ITFG1: variants seen among roughly 807,000 people sequenced by gnomAD.
The protein encoded by ITFG1 is integrin alpha FG-GAP repeat containing 1.
ITFG1 carries 34 observed loss-of-function variants against 81.8 expected under a neutral mutation model. That is an observed-to-expected ratio of 0.42 (90% confidence interval 0.32 to 0.55). The LOEUF is 0.55. ITFG1 is among the 20% of genes least tolerant of loss of function. The pLI is 0.17. For synonymous variants in ITFG1, 285 were observed against 270.6 expected, an observed-to-expected ratio of 1.05 and a Z score of -0.52; for missense variants, 672 against 755.4, an observed-to-expected ratio of 0.89 and a Z score of 1.29.
chr16:47,255,068 T>A (rs776195106), intron 12 of ITFG1, among the ~76,000 whole-genome samples: 2 of 152,094 alleles, frequency 1.3e-5, no homozygotes, highest in African/African-American at 2.4e-5. Context: ...GTCTGGGCAA[T>A]AGACCGAGAC....
At chr16:47,281,311 C>T (rs916191530) in intron 10 of ITFG1, among the ~76,000 whole-genome samples, 5 of 152,242 alleles carry the variant, frequency 3.3e-5, no homozygotes, top group Admixed American at 6.5e-5. Flanking sequence ...TTTTTCATCT[C>T]TGTTCATGAA....
intron 10 of ITFG1, among the ~76,000 whole-genome samples, chr16:47,307,428 T>C (rs1321465017): frequency 6.6e-6 from 1 of 152,134 alleles, no homozygotes; most frequent in Non-Finnish European, 1.5e-5. Context: ...TCCATTTTAT[T>C]ATGGGACTAA....
chr16:47,314,313 A>G (rs1967317152), intron 8 of ITFG1, among the ~76,000 whole-genome samples: 1 of 152,208 alleles, frequency 6.6e-6, no homozygotes, highest in African/African-American at 2.4e-5. Flanking sequence ...GCCATAGAAG[A>G]GAAAAATAAG....
At chr16:47,356,227 T>C (rs1304386615) in intron 8 of ITFG1, among the ~76,000 whole-genome samples, 1 of 152,210 alleles carries the variant, frequency 6.6e-6, no homozygotes, top group African/African-American at 2.4e-5. Context: ...TTTGGAAAGA[T>C]TACTTGAGAT....
At position 47,280,744 on chromosome 16, in the gene ITFG1, C is replaced by T. The variant is rs147930623; in HGVS notation, c.1071-20049G>A. Among the ~76,000 whole-genome samples, 324 of 152,250 alleles carry T rather than the reference C, an allele frequency of 2.1e-3. 1 individual carries two copies. Among genetic ancestry groups the T allele is most frequent in the African/African-American group, 7.6e-3 (314 of 41,556 alleles). On this transcript the variant is annotated intron_variant, in intron 10 of 17. Transcript: ENST00000320640. ...TGATCAGAGGGTTGGAACTTTCAGT[C>T]TCACCCCCTAATCGTCCCAGAAAAG...
In ITFG1 at chr16:47,265,463, TTAA is replaced by T. The variant is rs1008505014; in HGVS notation, c.1071-4771_1071-4769del. Among the ~76,000 whole-genome samples, 132 of 152,150 alleles carry T rather than the reference TTAA, an allele frequency of 8.7e-4. 2 individuals are homozygous for T. The Middle Eastern group carries it at 0.024, about 28-fold the overall frequency. On this transcript the variant is annotated intron_variant, in intron 10 of 17. Coordinates refer to ENST00000320640, the MANE Select transcript of ITFG1 (RefSeq NM_030790.5). Reference sequence around the variant, plus strand: ...AAACAAAAACCAACATAGTATGGTGTTAATAAGGTAGTAGATGTAAAATGTGTG... The same window carrying T: ...AAACAAAAACCAACATAGTATGGTGTTAAGGTAGTAGATGTAAAATGTGTG...
intron 8 of ITFG1, among the ~76,000 whole-genome samples, chr16:47,346,136 C>T (rs1057460831): frequency 3.9e-5 from 6 of 152,174 alleles, no homozygotes; most frequent in African/African-American, 1.2e-4. Context: ...CAGAGTAATT[C>T]TGGTCTTACA....
At position 47,459,098 on chromosome 16, in the gene ITFG1, C is replaced by A; in HGVS notation, c.281+5G>T. On this transcript the variant is annotated splice_donor_5th_base_variant and intron_variant, in intron 2 of 17. Transcript: ENST00000320640. Reference sequence around the variant, plus strand: ...TTTTATCAAAATAATCATATTTGTACTTACTTGAAAGATACCTTTACTTTG... The same window carrying A: ...TTTTATCAAAATAATCATATTTGTAATTACTTGAAAGATACCTTTACTTTG... 1 of 1,507,010 alleles carries A rather than the reference C, an allele frequency of 6.6e-7. No homozygotes were observed. Among genetic ancestry groups the A allele is most frequent in the Non-Finnish European group, 9.2e-7 (1 of 1,082,990 alleles). 93.4% of individuals were successfully genotyped at this position (1,507,010 alleles called of 1,614,324 possible). A position where few individuals can be genotyped will look rare whatever the true frequency, so the allele number is the denominator to read the frequency against.
intron 6 of ITFG1, among the ~76,000 whole-genome samples, chr16:47,390,701 C>T (rs1465212526): frequency 6.6e-6 from 1 of 152,106 alleles, no homozygotes; most frequent in African/African-American, 2.4e-5. Context: ...CTCAGGTGAT[C>T]CGCCCACCTC....
chr16:47,448,320 T>C (rs538975016), intron 5 of ITFG1: 33 of 152,304 alleles, frequency 2.2e-4, no homozygotes, highest in African/African-American at 7.7e-4. Flanking sequence ...AAAGGCTAAA[T>C]GGAAAAATGC....
At chr16:47,313,027 T>C (rs1967291635) in intron 9 of ITFG1, 1 of 152,204 alleles carries the variant, frequency 6.6e-6, no homozygotes, top group Admixed American at 6.5e-5. Context: ...TATTTTATTT[T>C]TAAGGCTAAT....
chr16:47,357,430 T>C (rs373995802), intron 8 of ITFG1, among the ~76,000 whole-genome samples: 8 of 151,858 alleles, frequency 5.3e-5, no homozygotes, highest in Admixed American at 2.0e-4. Flanking sequence ...CTGGCTAACA[T>C]GGTGAAACCC....
chr16:47,325,992 G>C (rs1363213947), intron 8 of ITFG1, among the ~76,000 whole-genome samples: 5 of 152,140 alleles, frequency 3.3e-5, no homozygotes, highest in East Asian at 1.9e-4. Context: ...GCATCATCCT[G>C]ATAACAATGC....
chr16:47,320,521 T>C (rs895056961), intron 8 of ITFG1, among the ~76,000 whole-genome samples: 3 of 152,230 alleles, frequency 2.0e-5, no homozygotes, highest in African/African-American at 4.8e-5. Context: ...GGATATCTGG[T>C]TAGCTGTTCC....
At chr16:47,208,497 T>A (rs1965527662) in intron 14 of ITFG1, among the ~76,000 whole-genome samples, 1 of 152,236 alleles carries the variant, frequency 6.6e-6, no homozygotes, top group South Asian at 2.1e-4. Context: ...AACCTGGAGC[T>A]GTACTTCTAG....
At chr16:47,258,585 GA>G in intron 12 of ITFG1, 46 bp downstream of exon 12, 1 of 855,698 alleles carries the variant, frequency 1.2e-6, no homozygotes. Context: ...TATGTGGAGA[GA>G]GGGGAAGAGA....
At chr16:47,163,151 A>C (rs1964835692) in intron 14 of ITFG1, among the ~76,000 whole-genome samples, 1 of 152,186 alleles carries the variant, frequency 6.6e-6, no homozygotes, top group Admixed American at 6.5e-5. Context: ...TAATTCACAT[A>C]CCATACACAT....
chr16:47,342,526 T>C (rs911730808), intron 8 of ITFG1, among the ~76,000 whole-genome samples: 1 of 151,986 alleles, frequency 6.6e-6, no homozygotes, highest in Non-Finnish European at 1.5e-5. Context: ...AAGAGATAAA[T>C]GGTATAAAAA....
chr16:47,456,978 T>C (rs1458184450), intron 2 of ITFG1, among the ~76,000 whole-genome samples: 1 of 152,116 alleles, frequency 6.6e-6, no homozygotes, highest in Non-Finnish European at 1.5e-5. Context: ...GGTATGTACA[T>C]AGAAAACTAT....
Sources: allele counts gnomAD v4.1 joint callset (sites outside exome capture counted in the v4.1 genomes callset), GRCh38; gene constraint gnomAD v4.1.1; transcripts MANE v1.5; gene names NCBI Gene and HGNC (gene_info 2026-07-23, HGNC 2026-07-21).